The following THBS4 variants were observed in gnomAD, a reference collection of about 807,000 sequenced individuals.
THBS4 encodes the protein thrombospondin-4.
THBS4 carries 90 observed loss-of-function variants against 115.7 expected under a neutral mutation model. That is an observed-to-expected ratio of 0.78 (90% CI 0.66 to 0.93). The LOEUF (loss-of-function observed/expected upper bound fraction) is 0.93. Among genes scored for constraint, THBS4 ranks in the 40% least tolerant of loss-of-function variants. The pLI is 0.00. For missense variants in THBS4, 1,087 were observed against 1,232.7 expected (o/e 0.88, Z 1.77); for synonymous variants, 460 against 479.3 (o/e 0.96, Z 0.53).
intron 8 of THBS4, among the ~76,000 whole-genome samples, chr5:80,064,777 A>G (rs533568188): frequency 6.6e-6 from 1 of 152,192 alleles, no homozygotes; most frequent in Non-Finnish European, 1.5e-5. Flanking sequence ...AAAAACAGAT[A>G]AGTTTGTAAA....
In THBS4 at chr5:80,065,399, T is replaced by G. The variant is rs749617492; in HGVS notation, c.1126-10T>G. ...TCTCGCTAAACTTTCTTTGAACTTT[T>G]CTGCACTAGGTCTGCACTGACATTG... On this transcript the variant is annotated splice_polypyrimidine_tract_variant and intron_variant, in intron 8 of 21. Coordinates refer to ENST00000350881, the MANE Select transcript of THBS4 (RefSeq NM_003248.6). 2 of 1,608,014 alleles carry G rather than the reference T, an allele frequency of 1.2e-6. No homozygotes were observed. Among genetic ancestry groups the G allele is most frequent in the Middle Eastern group, 1.7e-4 (1 of 6,052 alleles).
intron 4 of THBS4, 77 bp from the exon 5 acceptor site, chr5:80,058,631 G>A (rs1486814173): frequency 1.6e-6 from 2 of 1,231,220 alleles, no homozygotes; most frequent in African/African-American, 3.0e-5. Flanking sequence ...TGATTTCCTG[G>A]GGAATAATTT....
intron 2 of THBS4, among the ~76,000 whole-genome samples, chr5:80,049,058 T>G (rs1276518519): frequency 6.6e-6 from 1 of 152,240 alleles, no homozygotes; most frequent in Non-Finnish European, 1.5e-5. Context: ...GCCAGGCCAC[T>G]CTGGACTCCT....
At chr5:80,017,084 G>T (rs548517163) in intron 2 of THBS4, among the ~76,000 whole-genome samples, 2 of 152,186 alleles carry the variant, frequency 1.3e-5, no homozygotes, top group African/African-American at 2.4e-5. Context: ...ACAAAGATGG[G>T]AGGAGGAATT....
upstream of THBS4, among the ~76,000 whole-genome samples, chr5:80,030,422 C>T (rs1832562873): frequency 6.6e-6 from 1 of 151,908 alleles, no homozygotes; most frequent in South Asian, 2.1e-4. Context: ...GGCTGGAGTG[C>T]AGTGGTGCAA....
intron 15 of THBS4, among the ~76,000 whole-genome samples, chr5:80,073,550 A>AT (rs1424569368): frequency 6.6e-6 from 1 of 151,946 alleles, no homozygotes; most frequent in Non-Finnish European, 1.5e-5. Context: ...TGCCTGGCTA[A>AT]TTTTTTTGTA....
chr5:80,022,653 C>T (rs1832400810), intron 2 of THBS4, among the ~76,000 whole-genome samples: 1 of 152,080 alleles, frequency 6.6e-6, no homozygotes, highest in African/African-American at 2.4e-5. Flanking sequence ...CTCATTTATT[C>T]AAATTATTGT....
At chr5:80,070,198 C>G (rs1158576849) in intron 10 of THBS4, 108 bp from the exon 11 acceptor site, 1 of 864,468 alleles carries the variant, frequency 1.2e-6, no homozygotes, top group African/African-American at 1.7e-5. Context: ...CTGAGTGACT[C>G]TGGGCCCTCC....
At chr5:80,082,016 A>G (rs1743528687) in intron 20 of THBS4, 1 of 166,158 alleles carries the variant, frequency 6.0e-6, no homozygotes. Flanking sequence ...GTTTTTAAGC[A>G]TGGTATCTAG....
At chr5:80,040,384 C>T in intron 2 of THBS4, 104 bp downstream of exon 2, 1 of 911,876 alleles carries the variant, frequency 1.1e-6, no homozygotes, top group Non-Finnish European at 1.7e-6. Context: ...ATTATATTCT[C>T]ACTCACTAGT....
chr5:80,069,496 A>G (rs1833954439), intron 10 of THBS4, among the ~76,000 whole-genome samples: 1 of 152,196 alleles, frequency 6.6e-6, no homozygotes, highest in South Asian at 2.1e-4. Flanking sequence ...GAACAAATTG[A>G]CAACTCCCCT....
intron 2 of THBS4, among the ~76,000 whole-genome samples, chr5:80,012,086 T>C (rs1263331505): frequency 6.6e-6 from 1 of 151,868 alleles, no homozygotes; most frequent in Admixed American, 6.6e-5. Context: ...AATTTCCCTT[T>C]ATATAACAAA....
At chr5:80,057,774 C>T (rs1056456724) in intron 3 of THBS4, among the ~76,000 whole-genome samples, 1 of 152,210 alleles carries the variant, frequency 6.6e-6, no homozygotes, top group Non-Finnish European at 1.5e-5. Flanking sequence ...TATTCATTCT[C>T]ATATCCCAAA....
At chr5:80,061,394 A>G (rs920177437) in intron 7 of THBS4, among the ~76,000 whole-genome samples, 3 of 152,122 alleles carry the variant, frequency 2.0e-5, no homozygotes, top group African/African-American at 7.2e-5. Context: ...GAGATTTGCA[A>G]ATTCCATGTC....
chr5:80,021,155 G>A (rs1439185540), intron 2 of THBS4, among the ~76,000 whole-genome samples: 5 of 152,114 alleles, frequency 3.3e-5, no homozygotes, highest in Non-Finnish European at 5.9e-5. Flanking sequence ...AGTGGTTCTC[G>A]AAATATGGTC....
chr5:80,011,719 G>A (rs1465877253), intron 2 of THBS4, among the ~76,000 whole-genome samples: 1 of 152,124 alleles, frequency 6.6e-6, no homozygotes, highest in Non-Finnish European at 1.5e-5. Flanking sequence ...AACTCTGCAG[G>A]AAGGGGCTCC....
chr5:80,054,070 AAAAAC>A (rs1016852168), intron 2 of THBS4, among the ~76,000 whole-genome samples: 7 of 152,186 alleles, frequency 4.6e-5, no homozygotes, highest in South Asian at 2.1e-4. Context: ...CCCACATAGG[AAAAAC>A]AAAACAAAAC....
In THBS4 at chr5:80,035,850, G is replaced by A. The variant is rs1007523884; in HGVS notation, c.88+225G>A. 2.0e-5 allele frequency among the ~76,000 whole-genome samples: 3 copies of A among 152,192 alleles called. No individual in the cohort carries two copies. The highest frequency in any genetic ancestry group is 2.0e-4 in the Admixed American group (3 of 15,290). On this transcript the variant is annotated intron_variant, in intron 1 of 21. Transcript: ENST00000350881. This position sits in a 1 kb window ranked among gnomAD's most constrained non-coding sequence, Gnocchi z 4.6. ...AGAACAATTGCCTAAATAGTTGGGG[G>A]ATGCAAAATTGTTTCAGACTATGCA...
upstream of THBS4, among the ~76,000 whole-genome samples, chr5:80,032,869 C>G (rs1832612125): frequency 6.6e-6 from 1 of 152,148 alleles, no homozygotes; most frequent in Non-Finnish European, 1.5e-5. Context: ...CAGACACACA[C>G]AGGAGCCATA....
Sources: allele counts gnomAD v4.1 joint callset (sites outside exome capture counted in the v4.1 genomes callset), GRCh38; gene constraint gnomAD v4.1.1; non-coding constraint Gnocchi (gnomAD v3.1); transcripts MANE v1.5; gene names NCBI Gene and HGNC (gene_info 2026-07-23, HGNC 2026-07-21).